Variants in ABHD14B observed in about 807,000 individuals in gnomAD.
ABHD14B encodes putative protein-lysine deacylase ABHD14B.
In ABHD14B, 19 loss-of-function variants were observed where a neutral mutation model predicts 15.4. That is an observed-to-expected ratio of 1.23 (90% CI 0.86 to 1.81). The LOEUF is 1.81. ABHD14B is among the 40% of genes most tolerant of loss of function. The pLI is 0.00. For missense variants in ABHD14B, 243 were observed against 267.0 expected (o/e 0.91, Z 0.63); for synonymous variants, 92 against 117.3 (o/e 0.78, Z 1.39).
rs774863132 is a variant in ABHD14B at position 51,969,402 on chromosome 3, CACCCCCTGCAGCAGTG to C, written c.*8_*23del. 1.3e-6 allele frequency: 2 copies of C among 1,585,346 alleles called. No individual in the cohort carries two copies. Among genetic ancestry groups the C allele is most frequent in the South Asian group, 2.3e-5 (2 of 87,468 alleles). On this transcript the variant is annotated 3_prime_UTR_variant, in exon 4 of 4. Coordinates refer to ENST00000361143, the MANE Select transcript of ABHD14B (RefSeq NM_001146314.2). ...GAGAGCTCAGAGCAGGCAGGCAGCC[CACCCCCTGCAGCAGTG>C]CTGGGCTTCACTGGAGCCCCTGCAG...
At position 51,971,511 on chromosome 3, in the gene ABHD14B, G is replaced by C; in HGVS notation, c.160C>G (p.Leu54Val). Residue 54 changes from leucine (L) to valine (V), a missense_variant, in exon 2 of 4, where the codon CTG becomes GTG. Transcript: ENST00000361143. ...SSETWQNLGTLHRLAQAGYRA... is the reference protein window; with the variant it reads ...SSETWQNLGTVHRLAQAGYRA... ...TAGCCAGCCTGGGCCAGCCTGTGCA[G>C]TGTACCCAGGTTCTGCCAGGTCTCG... 1 of 1,612,392 alleles carries C rather than the reference G, an allele frequency of 6.2e-7. No individual in the cohort carries two copies. Among genetic ancestry groups the C allele is most frequent in the Non-Finnish European group, 8.5e-7 (1 of 1,179,084 alleles).
At chr3:51,971,303 A>G in intron 2 of ABHD14B, 157 bp downstream of exon 2, 1 of 833,274 alleles carries the variant, frequency 1.2e-6, no homozygotes, top group South Asian at 2.3e-5. Context: ...AGTGTGCTTG[A>G]CCAAACGCTG....
Position 51,969,434 on chromosome 3 carries a change from G to C in ABHD14B, c.625C>G (p.Leu209Val). ...TGCAGCAGTGCTGGGCTTCACTGGAGCCCCTGCAGGAAGTCCAGCAGCCCT... is the reference window on the plus strand; with the variant it reads ...TGCAGCAGTGCTGGGCTTCACTGGACCCCCTGCAGGAAGTCCAGCAGCCCT... ...HTGLLDFLQG[L>V]Q The change falls in exon 4 of 4, where the codon CTC becomes GTC. Residue 209 changes from leucine to valine, a missense_variant. Leu to Val is a conservative substitution (Grantham distance 32, BLOSUM62 1). Transcript: ENST00000361143. 6.2e-7 allele frequency: 1 copy of C among 1,611,320 alleles called. No homozygotes were observed. The highest frequency in any genetic ancestry group is 1.1e-5 in the South Asian group (1 of 90,854).
chr3:51,969,799 T>C (rs1034611029), intron 3 of ABHD14B, 144 bp downstream of exon 3: 32 of 1,503,822 alleles, frequency 2.1e-5, no homozygotes, highest in Non-Finnish European at 2.8e-5. Context: ...AGTAGTCTGC[T>C]GAGTAAACCA....
intron 1 of ABHD14B, 31 bp downstream of exon 1, chr3:51,973,934 G>A (rs1413766779): frequency 2.3e-6 from 3 of 1,289,712 alleles, no homozygotes; most frequent in Non-Finnish European, 3.0e-6. Context: ...TGACTGGAGA[G>A]AAGAAAGGGT....
At chr3:51,971,770 C>T in intron 1 of ABHD14B, 72 bp from the exon 2 acceptor site, 2 of 1,501,772 alleles carry the variant, frequency 1.3e-6, no homozygotes, top group East Asian at 4.9e-5. Flanking sequence ...AGAGGAGCAG[C>T]AAGGAAGCCT....
At chr3:51,973,689 T>C (rs1700710904) in intron 1 of ABHD14B, 3 of 447,428 alleles carry the variant, frequency 6.7e-6, no homozygotes, top group African/African-American at 6.2e-5. Context: ...GCCCATTTTC[T>C]AGAGGCGGAA....
intron 2 of ABHD14B, 84 bp downstream of exon 2, chr3:51,971,376 G>A (rs1700650118): frequency 2.8e-6 from 4 of 1,407,700 alleles, no homozygotes; most frequent in Non-Finnish European, 3.7e-6. Flanking sequence ...CCTGGAGTGG[G>A]GAGGGGCTAC....
Position 51,970,126 on chromosome 3 carries a change from G to A in ABHD14B, c.270C>T (p.Gly90=), listed in dbSNP as rs1700627808. The change falls in exon 3 of 4, where the codon GGC becomes GGT. Residue 90 remains glycine (G), a synonymous_variant. Transcript: ENST00000361143. ...CATCCACCACAGCCGCCAGGAAGCT[G>A]CCAGGGGCCAGCTCCCCAATAGGGG... ...APAPIGELAP[G]SFLAAVVDAL... 3 of 1,573,684 alleles carry A rather than the reference G, an allele frequency of 1.9e-6. No homozygotes were observed. Among genetic ancestry groups the A allele is most frequent in the Non-Finnish European group, 2.6e-6 (3 of 1,159,418 alleles).
upstream of ABHD14B, chr3:51,974,128 A>G (rs925278882): frequency 6.5e-6 from 7 of 1,080,162 alleles, no homozygotes; most frequent in Non-Finnish European, 8.6e-6. Context: ...CGCAGCGTCC[A>G]TAGACTCCGC....
chr3:51,973,683 A>AT (rs772701588), intron 1 of ABHD14B: 143 of 435,372 alleles, frequency 3.3e-4, no homozygotes, highest in Non-Finnish European at 5.6e-4. Context: ...CGGAAAGCCC[A>AT]TTTTCTAGAG....
intron 2 of ABHD14B, chr3:51,970,574 ATTG>A (rs367592496): frequency 6.9e-5 from 33 of 480,586 alleles, no homozygotes; most frequent in African/African-American, 5.3e-4. Flanking sequence ...GCCATTTAAG[ATTG>A]TTGTGAAAAT....
chr3:51,970,798 A>T, intron 2 of ABHD14B: 1 of 456,104 alleles, frequency 2.2e-6, no homozygotes, highest in East Asian at 6.9e-5. Flanking sequence ...CTGAAACCAT[A>T]CCATCCCTGG....
rs1047028146 is a variant in ABHD14B at position 51,968,537 on chromosome 3, A to T, written c.*889T>A. On this transcript the variant is annotated 3_prime_UTR_variant, in exon 4 of 4. Coordinates refer to ENST00000361143, the MANE Select transcript of ABHD14B (RefSeq NM_001146314.2). ...GGGTCTAATTGCATCACTTTATTTC[A>T]CCGACCTCCACTCTGGCTCCCACCC... is the stretch of plus-strand genomic sequence containing the variant. 1 of 152,016 alleles carries T rather than the reference A, an allele frequency of 6.6e-6. No homozygotes were observed. The highest frequency in any genetic ancestry group is 2.4e-5 in the African/African-American group (1 of 41,356). 9.4% of individuals were successfully genotyped at this position (152,016 alleles called of 1,614,324 possible).
chr3:51,973,717 G>T, intron 1 of ABHD14B: 1 of 703,040 alleles, frequency 1.4e-6, no homozygotes, highest in Non-Finnish European at 2.1e-6. Flanking sequence ...CGCCCAGTGG[G>T]AAAGGCGACC....
In ABHD14B at chr3:51,971,486, T is replaced by G; in HGVS notation, c.185A>C (p.Tyr62Ser). Residue 62 changes from tyrosine (Y) to serine (S), a missense_variant, in exon 2 of 4, where the codon TAC becomes TCC. By Grantham distance (144) the Tyr-to-Ser change is moderately radical. Transcript: ENST00000361143. ...TGGCAGGTCAATGGCCACAGCCCGG[T>G]AGCCAGCCTGGGCCAGCCTGTGCAG... Reference protein sequence around the residue: ...GTLHRLAQAGYRAVAIDLPGL... With the variant: ...GTLHRLAQAGSRAVAIDLPGL... 1 of 1,600,210 alleles carries G rather than the reference T, an allele frequency of 6.2e-7. No individual in the cohort carries two copies. Among genetic ancestry groups the G allele is most frequent in the Non-Finnish European group, 8.5e-7 (1 of 1,171,730 alleles).
At chr3:51,973,785 G>A in intron 1 of ABHD14B, 180 bp downstream of exon 1, 1 of 1,263,206 alleles carries the variant, frequency 7.9e-7, no homozygotes, top group Non-Finnish European at 1.0e-6. Flanking sequence ...CGTTGACCTC[G>A]CGGTCAGGTT....
At chr3:51,969,908 TGGCAGG>T in intron 3 of ABHD14B, 29 bp downstream of exon 3, 1 of 1,614,170 alleles carries the variant, frequency 6.2e-7, no homozygotes, top group Admixed American at 1.7e-5. Context: ...TCCTTGCTCC[TGGCAGG>T]GGCACCTCAG....
rs1206785789 is a variant in ABHD14B, at chr3:51,971,717, A to G, written c.-28-19T>C. On this transcript the variant is annotated intron_variant, in intron 1 of 3. Transcript: ENST00000361143. ...GAAGGGCCTGTGGTTCAAAACCACG[A>G]TGATGAGGGGCCACAGAACACCCTG... 4.4e-6 allele frequency: 7 copies of G among 1,596,086 alleles called. No homozygotes were observed. Among genetic ancestry groups the G allele is most frequent in the Non-Finnish European group, 6.0e-6 (7 of 1,172,124 alleles).
Sources: allele counts gnomAD v4.1 joint callset, GRCh38; gene constraint gnomAD v4.1.1; transcripts MANE v1.5; gene names NCBI Gene and HGNC (gene_info 2026-07-23, HGNC 2026-07-21).